Variants in TMEM26 observed in about 807,000 individuals in gnomAD.
The protein encoded by TMEM26 is transmembrane protein 26.
Under a neutral mutation model 28.8 loss-of-function variants are expected in TMEM26, and 38 were observed. The observed-to-expected ratio is 1.32, with a 90% CI of 1.02 to 1.73. The LOEUF is 1.73. TMEM26 is among the 40% of genes most tolerant of loss of function. The probability of loss-of-function intolerance (pLI) is 0.00; values close to 1 mark genes in which losing one functional copy is unlikely to be tolerated. For synonymous variants in TMEM26, 227 were observed against 182.9 expected (o/e 1.24, Z -1.95); for missense variants, 518 against 447.1 (o/e 1.16, Z -1.43).
At chr10:61,419,453 A>G (rs1005508705) in intron 4 of TMEM26, among the ~76,000 whole-genome samples, 1 of 152,082 alleles carries the variant, frequency 6.6e-6, no homozygotes, top group East Asian at 1.9e-4. Context: ...ATGACTCAAT[A>G]AGTGAGTAAA....
In TMEM26 at chr10:61,410,164, G is replaced by C; in HGVS notation, c.*158C>G. 1.3e-6 allele frequency: 1 copy of C among 764,174 alleles called. No individual in the cohort carries two copies. Among genetic ancestry groups the C allele is most frequent in the Non-Finnish European group, 2.0e-6 (1 of 488,712 alleles). The allele number at this position is 764,174 out of a possible 1,614,324, so 47.3% of individuals were successfully genotyped here. ...CACTAATCAAAGTTCCTTCTATTCAGTTGAAAAAAGAAAATTCCTCAGCTT... is the reference window on the plus strand; with the variant it reads ...CACTAATCAAAGTTCCTTCTATTCACTTGAAAAAAGAAAATTCCTCAGCTT... On this transcript the variant is annotated 3_prime_UTR_variant, in exon 6 of 6. Transcript: ENST00000399298.
chr10:61,452,877 C>T lies in TMEM26; in HGVS notation c.191+14G>A, dbSNP rs1840313126. The T allele has an allele frequency of 1.9e-6, 3 of 1,605,144 alleles. No homozygotes were observed. Among genetic ancestry groups the T allele is most frequent in the Non-Finnish European group, 2.6e-6 (3 of 1,172,574 alleles). ...AGGGCCCCGTGCGCCCTCGCTTTCCCGGGGCACTCTCACCATTTGTAGCCT... is the reference window on the plus strand; with the variant it reads ...AGGGCCCCGTGCGCCCTCGCTTTCCTGGGGCACTCTCACCATTTGTAGCCT... On this transcript the variant is annotated intron_variant, in intron 1 of 5. Transcript: ENST00000399298.
chr10:61,430,442 T>G (rs1283619070), intron 3 of TMEM26, among the ~76,000 whole-genome samples: 1 of 151,830 alleles, frequency 6.6e-6, no homozygotes, highest in Non-Finnish European at 1.5e-5. Flanking sequence ...ATACATATGG[T>G]GGAGTTCCTA....
At chr10:61,417,202 C>A (rs1488126427) in intron 4 of TMEM26, among the ~76,000 whole-genome samples, 2 of 151,888 alleles carry the variant, frequency 1.3e-5, no homozygotes, top group Admixed American at 6.6e-5. Context: ...CAAATGTCAA[C>A]TGAGAAGCAT....
chr10:61,437,797 C>T lies in TMEM26; in HGVS notation c.192-1549G>A, dbSNP rs145090624. Among the ~76,000 whole-genome samples the T allele has an allele frequency of 8.3e-3, 1,258 of 152,144 alleles. 11 individuals carry two copies. The highest frequency in any genetic ancestry group is 0.024 in the African/African-American group (1,009 of 41,522). ...AGACTCCGTCTCAAGAAAAAACAAA[C>T]AAATAAAAAAACAAATTGAACTTTA... On this transcript the variant is annotated intron_variant, in intron 1 of 5. Coordinates refer to ENST00000399298, the MANE Select transcript of TMEM26 (RefSeq NM_178505.8).
intron 4 of TMEM26, among the ~76,000 whole-genome samples, chr10:61,420,723 TAAA>T (rs200958809): frequency 0.21 from 30,055 of 142,314 alleles, 3,198 homozygotes; most frequent in Middle Eastern, 0.33. Context: ...ATTTCCAGAT[TAAA>T]AAAAAAAAAA....
At chr10:61,420,981 T>C (rs1839736796) in intron 4 of TMEM26, among the ~76,000 whole-genome samples, 1 of 152,062 alleles carries the variant, frequency 6.6e-6, no homozygotes, top group Non-Finnish European at 1.5e-5. Context: ...GATTATTTTA[T>C]TTATAACATA....
Position 61,426,475 on chromosome 10 carries a change from T to C in TMEM26, c.605+2451A>G, listed in dbSNP as rs574546298. ...CAGAATCAGAAGCTTTACAAAGCTATGTAAATCCATAAAACTTAGGTAGAT... is the reference window on the plus strand; with the variant it reads ...CAGAATCAGAAGCTTTACAAAGCTACGTAAATCCATAAAACTTAGGTAGAT... On this transcript the variant is annotated intron_variant, in intron 4 of 5. Coordinates refer to ENST00000399298, the MANE Select transcript of TMEM26 (RefSeq NM_178505.8). Among the ~76,000 whole-genome samples, 17 of 152,250 alleles carry C rather than the reference T, an allele frequency of 1.1e-4. No individual in the cohort carries two copies. In the South Asian group the frequency reaches 2.3e-3, roughly 20 times the overall value.
chr10:61,439,248 A>G (rs1414065695), intron 1 of TMEM26, among the ~76,000 whole-genome samples: 1 of 152,198 alleles, frequency 6.6e-6, no homozygotes, highest in Non-Finnish European at 1.5e-5. Context: ...GTACTGTTTT[A>G]TAGTTATGTG....
intron 1 of TMEM26, among the ~76,000 whole-genome samples, chr10:61,444,244 T>C (rs1490693618): frequency 6.6e-6 from 1 of 152,240 alleles, no homozygotes; most frequent in Non-Finnish European, 1.5e-5. Context: ...TTCTATTTTT[T>C]ATAAAACCAC....
chr10:61,408,334 A>G lies in TMEM26; in HGVS notation c.*1988T>C, dbSNP rs552740319. 97 of 152,316 alleles carry G rather than the reference A, an allele frequency of 6.4e-4. No homozygotes were observed. The highest frequency in any genetic ancestry group is 2.0e-3 in the African/African-American group (85 of 41,564). The allele number at this position is 152,316 out of a possible 1,614,324, so 9.4% of individuals were successfully genotyped here. On this transcript the variant is annotated 3_prime_UTR_variant, in exon 6 of 6. Transcript: ENST00000399298. ...AAAATACTTTAATTTAAACACTAGA[A>G]ACTCATTCACGAAGCCAAGCCAAGT...
At chr10:61,415,451 A>T (rs1157307290) in intron 4 of TMEM26, among the ~76,000 whole-genome samples, 1 of 152,116 alleles carries the variant, frequency 6.6e-6, no homozygotes, top group Non-Finnish European at 1.5e-5. Flanking sequence ...TGTTATGGAC[A>T]GTTTCTGATT....
At chr10:61,442,426 CCT>C (rs1840109728) in intron 1 of TMEM26, among the ~76,000 whole-genome samples, 1 of 151,884 alleles carries the variant, frequency 6.6e-6, no homozygotes, top group African/African-American at 2.4e-5. Flanking sequence ...ATATCACTAC[CCT>C]GTTTAGTTTT....
chr10:61,453,117 G>A lies in TMEM26; in HGVS notation c.-36C>T, dbSNP rs569933157. On this transcript the variant is annotated 5_prime_UTR_variant, in exon 1 of 6. Coordinates refer to ENST00000399298, the MANE Select transcript of TMEM26 (RefSeq NM_178505.8). ...GCACTCTGCCTACGTCCCCTTGCCT[G>A]CGCCCCCAGGACCCTGCCGGGCGTG... 6.3e-7 allele frequency: 1 copy of A among 1,597,484 alleles called. No individual in the cohort carries two copies. The highest frequency in any genetic ancestry group is 2.2e-5 in the East Asian group (1 of 44,576).
rs879399133 is a variant in TMEM26 at position 61,409,012 on chromosome 10, G to T, written c.*1310C>A. 2 of 152,084 alleles carry T rather than the reference G, an allele frequency of 1.3e-5. No homozygotes were observed. Among genetic ancestry groups the T allele is most frequent in the African/African-American group, 4.8e-5 (2 of 41,402 alleles). The allele number at this position is 152,084 out of a possible 1,614,324, so 9.4% of individuals were successfully genotyped here. On this transcript the variant is annotated 3_prime_UTR_variant, in exon 6 of 6. Transcript: ENST00000399298. ...ACCTTAAATGTCCCTTTGAATTCTC[G>T]AGTATACTAATCTGGGGGAATTAGG...
intron 1 of TMEM26, among the ~76,000 whole-genome samples, chr10:61,443,520 A>C (rs1241802166): frequency 6.6e-6 from 1 of 152,080 alleles, no homozygotes; most frequent in Non-Finnish European, 1.5e-5. Context: ...AGTGATCTTA[A>C]GGATAGACCA....
chr10:61,410,440 G>A lies in TMEM26; in HGVS notation c.989C>T (p.Ala330Val), dbSNP rs1332764872. 6.2e-7 allele frequency: 1 copy of A among 1,614,110 alleles called. No homozygotes were observed. The highest frequency in any genetic ancestry group is 8.5e-7 in the Non-Finnish European group (1 of 1,180,032). The stretch of plus-strand genomic sequence containing the variant: ...AGAGGGCCCACTCTCAGAGGTCTGT[G>A]CCCGGCAACCATGTTCTCCTTTCAG... Reference protein sequence around the residue: ...EGLKGEHGCRAQTSESGPSQR... With the variant: ...EGLKGEHGCRVQTSESGPSQR... Residue 330 changes from alanine to valine, a missense_variant, in exon 6 of 6, where the codon GCA becomes GTA. Physicochemically the swap from Ala to Val is moderately conservative, Grantham distance 64. Coordinates refer to ENST00000399298, the MANE Select transcript of TMEM26 (RefSeq NM_178505.8).
chr10:61,436,462 G>C (rs1840010689), intron 1 of TMEM26, among the ~76,000 whole-genome samples: 1 of 152,124 alleles, frequency 6.6e-6, no homozygotes, highest in South Asian at 2.1e-4. Flanking sequence ...ACTGTAAAAG[G>C]CACTAGCAGC....
intron 4 of TMEM26, among the ~76,000 whole-genome samples, chr10:61,421,786 T>C (rs967002860): frequency 1.3e-5 from 2 of 152,146 alleles, no homozygotes; most frequent in Non-Finnish European, 1.5e-5. Context: ...AAGAAGTTTC[T>C]GTTGTTTTAA....
Sources: allele counts gnomAD v4.1 joint callset (sites outside exome capture counted in the v4.1 genomes callset), GRCh38; gene constraint gnomAD v4.1.1; transcripts MANE v1.5; gene names NCBI Gene and HGNC (gene_info 2026-07-23, HGNC 2026-07-21).